ABCB1: variants seen among roughly 807,000 people sequenced by gnomAD.
The protein encoded by ABCB1 is ATP-dependent translocase ABCB1.
ABCB1 carries 69 observed loss-of-function variants against 142.0 expected under a neutral mutation model. That is an observed-to-expected ratio of 0.49 (90% CI 0.40 to 0.59). The LOEUF (loss-of-function observed/expected upper bound fraction) is 0.59, where lower values mean the gene tolerates loss of function less well. ABCB1 is among the 20% of genes least tolerant of loss of function. The probability of loss-of-function intolerance (pLI) is 0.00; values close to 1 mark genes in which losing one functional copy is unlikely to be tolerated. For missense variants in ABCB1, 1,326 were observed against 1,554.7 expected, an observed-to-expected ratio of 0.85 and a Z score of 2.47; for synonymous variants, 532 against 539.2, an observed-to-expected ratio of 0.99 and a Z score of 0.18.
At chr7:87,567,914 G>A (rs547989729) in intron 5 of ABCB1, among the ~76,000 whole-genome samples, 109 of 152,052 alleles carry the variant, frequency 7.2e-4, no homozygotes, top group East Asian at 1.4e-3. Context: ...CCAATATGAT[G>A]AAACCCTGTC....
At chr7:87,534,874 C>T (rs1816210938) in intron 20 of ABCB1, among the ~76,000 whole-genome samples, 1 of 146,690 alleles carries the variant, frequency 6.8e-6, no homozygotes, top group East Asian at 2.0e-4. Context: ...GTAATCATGC[C>T]ACTGCAGTCT....
chr7:87,654,933 A>G (rs2130403485), intron 1 of ABCB1, among the ~76,000 whole-genome samples: 1 of 152,240 alleles, frequency 6.6e-6, no homozygotes, highest in Non-Finnish European at 1.5e-5. Context: ...CAGGTATATA[A>G]AAAGGTGCTC....
rs538293695 is a variant in ABCB1 at position 87,700,218 on chromosome 7, T to C, written c.-331+12943A>G. Among the ~76,000 whole-genome samples the C allele has an allele frequency of 1.2e-4, 18 of 152,270 alleles. No homozygotes were observed. The South Asian group carries it at 3.5e-3, about 30-fold the overall frequency. On this transcript the variant is annotated intron_variant, in intron 1 of 28. Transcript: ENST00000265724. The stretch of plus-strand genomic sequence containing the variant: ...TATGATCCAGACTCATTAAGTAAAT[T>C]AAGTAAATTTTCCAAACTAACACCA...
At chr7:87,632,747 A>C (rs1821352946) in intron 1 of ABCB1, among the ~76,000 whole-genome samples, 1 of 152,200 alleles carries the variant, frequency 6.6e-6, no homozygotes, top group Non-Finnish European at 1.5e-5. Flanking sequence ...AACCTTATAT[A>C]GTCCTTTGAT....
chr7:87,619,709 T>C (rs1820155906), intron 1 of ABCB1, among the ~76,000 whole-genome samples: 1 of 151,868 alleles, frequency 6.6e-6, no homozygotes, highest in African/African-American at 2.4e-5. Flanking sequence ...TCGTACTGAC[T>C]GTAAACTTAT....
chr7:87,565,722 A>G (rs1584885551), intron 7 of ABCB1, among the ~76,000 whole-genome samples: 1 of 151,776 alleles, frequency 6.6e-6, no homozygotes, highest in Admixed American at 6.6e-5. Flanking sequence ...GGCATCATCC[A>G]CTAGAGAGCA....
chr7:87,670,783 C>A (rs1334359606), intron 1 of ABCB1, among the ~76,000 whole-genome samples: 1 of 152,154 alleles, frequency 6.6e-6, no homozygotes, highest in Non-Finnish European at 1.5e-5. Flanking sequence ...TGTGATCCAG[C>A]AGGTGGCTTA....
chr7:87,532,205 C>A (rs1003893771), intron 20 of ABCB1, among the ~76,000 whole-genome samples: 1 of 152,124 alleles, frequency 6.6e-6, no homozygotes, highest in Non-Finnish European at 1.5e-5. Context: ...ATAATTTAGT[C>A]CAGCACATCT....
intron 7 of ABCB1, chr7:87,563,992 A>G (rs1817683791): frequency 3.9e-6 from 1 of 259,272 alleles, no homozygotes; most frequent in Non-Finnish European, 7.6e-6. Context: ...AGAGGGGAAC[A>G]ACACACACTG....
chr7:87,541,590 T>C, intron 17 of ABCB1, 126 bp from the exon 18 acceptor site: 2 of 738,336 alleles, frequency 2.7e-6, no homozygotes. Context: ...AAATTGGGGT[T>C]GGCTTTCCTA....
chr7:87,504,453 T>A lies in ABCB1; in HGVS notation c.3637-4A>T, dbSNP rs202003598. On this transcript the variant is annotated splice_polypyrimidine_tract_variant and splice_region_variant and intron_variant, in intron 27 of 27. Coordinates refer to ENST00000622132, the MANE Select transcript of ABCB1 (RefSeq NM_001348946.2). ...TGTCCAGGGCTTCTTGGACAACCTA[T>A]TCCATAATCACATAGATTAATTCTC... The A allele has an allele frequency of 3.7e-5, 59 of 1,613,930 alleles. No individual in the cohort carries two copies. The highest frequency in any genetic ancestry group is 4.9e-5 in the Non-Finnish European group (58 of 1,179,940).
At position 87,550,477 on chromosome 7, in the gene ABCB1, T is replaced by G; in HGVS notation, c.1215A>C (p.Lys405Asn). The change falls in exon 11 of 28, where the codon AAA becomes AAC. Residue 405 changes from lysine to asparagine, a missense_variant. Transcript: ENST00000622132. The part of the protein sequence containing the change: ...RNVHFSYPSR[K>N]EVKILKGLNL... ...TCATTTATCACTGTACCTTAACTTC[T>G]TTTCGAGATGGGTAACTGAAGTGAA... The G allele has an allele frequency of 6.2e-7, 1 of 1,612,764 alleles. No individual in the cohort carries two copies. The highest frequency in any genetic ancestry group is 8.5e-7 in the Non-Finnish European group (1 of 1,179,674).
chr7:87,651,595 G>C (rs537940947), intron 1 of ABCB1, among the ~76,000 whole-genome samples: 1 of 152,132 alleles, frequency 6.6e-6, no homozygotes, highest in East Asian at 1.9e-4. Flanking sequence ...TCTTCCTAAA[G>C]CAAACTTGAT....
At chr7:87,677,274 AACAC>A (rs57009840) in intron 1 of ABCB1, among the ~76,000 whole-genome samples, 4,258 of 135,828 alleles carry the variant, frequency 0.031, 151 homozygotes, top group African/African-American at 0.092. Context: ...CAGTGTATAT[AACAC>A]ACACACACAC....
chr7:87,514,841 T>C (rs1244499287), intron 25 of ABCB1, among the ~76,000 whole-genome samples: 2 of 152,364 alleles, frequency 1.3e-5, no homozygotes, highest in African/African-American at 4.8e-5. Flanking sequence ...CCAATCTCTC[T>C]ATACCATCTG....
At position 87,504,317 on chromosome 7, in the gene ABCB1, G is replaced by A. The variant is rs771100707; in HGVS notation, c.3769C>T (p.His1257Tyr). 11 of 1,614,042 alleles carry A rather than the reference G, an allele frequency of 6.8e-6. No homozygotes were observed. The Admixed American group carries it at 1.2e-4, about 17-fold the overall frequency. The change falls in exon 28 of 28, where the codon CAT (histidine) becomes TAT (tyrosine). Residue 1257 changes from histidine (H) to tyrosine (Y), a missense_variant. His to Tyr is a moderately conservative substitution (Grantham distance 83). Transcript: ENST00000622132. ...QNGRVKEHGT[H>Y]QQLLAQKGIY... ...CCTTTCTGTGCCAGCAGCTGCTGAT[G>A]CGTGCCATGCTCCTTGACTCTGCCA...
At chr7:87,708,384 T>A (rs957393872) in intron 1 of ABCB1, among the ~76,000 whole-genome samples, 1 of 152,060 alleles carries the variant, frequency 6.6e-6, no homozygotes, top group Non-Finnish European at 1.5e-5. Flanking sequence ...TTATATAAAT[T>A]TGAAAATTTA....
At chr7:87,712,212 T>C (rs28381721) in intron 1 of ABCB1, among the ~76,000 whole-genome samples, 19 of 152,272 alleles carry the variant, frequency 1.2e-4, no homozygotes, top group African/African-American at 4.6e-4. Context: ...AAAGTAAATC[T>C]GATATATACT....
intron 1 of ABCB1, among the ~76,000 whole-genome samples, chr7:87,692,363 A>C (rs1044335575): frequency 1.3e-5 from 2 of 152,212 alleles, no homozygotes; most frequent in Non-Finnish European, 2.9e-5. Context: ...AGGCGAAGGC[A>C]GGAGGATCGC....
Sources: allele counts gnomAD v4.1 joint callset (sites outside exome capture counted in the v4.1 genomes callset), GRCh38; gene constraint gnomAD v4.1.1; transcripts MANE v1.5; gene names NCBI Gene and HGNC (gene_info 2026-07-23, HGNC 2026-07-21).